Variants in SLIT1 observed in about 807,000 individuals in gnomAD.
The protein encoded by SLIT1 is slit homolog 1 protein.
SLIT1 carries 66 observed loss-of-function variants against 186.1 expected under a neutral mutation model. That is an observed-to-expected ratio of 0.35 (90% CI 0.29 to 0.44). The LOEUF is 0.44. Ranked by LOEUF, SLIT1 falls within the 20% of genes least tolerant of loss-of-function variation. The probability of loss-of-function intolerance (pLI) is 1.00; values close to 1 mark genes in which losing one functional copy is unlikely to be tolerated. For missense variants in SLIT1, 1,638 were observed against 2,037.4 expected (o/e 0.80, Z 3.77); for synonymous variants, 761 against 833.8 (o/e 0.91, Z 1.50).
At chr10:97,070,465 C>G (rs1375568235) in intron 4 of SLIT1, among the ~76,000 whole-genome samples, 1 of 152,196 alleles carries the variant, frequency 6.6e-6, no homozygotes, top group Non-Finnish European at 1.5e-5. Context: ...AGTGCAGACC[C>G]AACCACATGC....
At chr10:97,144,308 G>C (rs12246049) in intron 4 of SLIT1, among the ~76,000 whole-genome samples, 3,135 of 152,234 alleles carry the variant, frequency 0.021, 105 homozygotes, top group African/African-American at 0.07. Flanking sequence ...CTCTGTTATA[G>C]ATCAAGAATT....
At chr10:97,054,619 A>C (rs1186588029) in intron 13 of SLIT1, among the ~76,000 whole-genome samples, 1 of 152,232 alleles carries the variant, frequency 6.6e-6, no homozygotes, top group Non-Finnish European at 1.5e-5. Context: ...CATCTATAAA[A>C]TCATCTTGCC....
chr10:97,110,692 A>G (rs1178100040), intron 4 of SLIT1, among the ~76,000 whole-genome samples: 1 of 152,220 alleles, frequency 6.6e-6, no homozygotes. Flanking sequence ...TTATAAACAC[A>G]GAAGTCAGTA....
chr10:97,119,627 G>A (rs1441629539), intron 4 of SLIT1, among the ~76,000 whole-genome samples: 1 of 151,706 alleles, frequency 6.6e-6, no homozygotes, highest in East Asian at 1.9e-4. Flanking sequence ...CGGCGCCTTG[G>A]GTTCACCCAT....
At chr10:97,147,663 G>A (rs1423360221) in intron 4 of SLIT1, among the ~76,000 whole-genome samples, 3 of 151,970 alleles carry the variant, frequency 2.0e-5, no homozygotes, top group Non-Finnish European at 2.9e-5. Flanking sequence ...TGTGGGGGGC[G>A]ACTGAGGCTC....
At chr10:97,018,234 C>T (rs1250488905) in intron 28 of SLIT1, among the ~76,000 whole-genome samples, 1 of 152,162 alleles carries the variant, frequency 6.6e-6, no homozygotes, top group African/African-American at 2.4e-5. Context: ...ATCCGAGTGC[C>T]TTCAAAAAGG....
At chr10:97,039,926 A>G in intron 21 of SLIT1, 62 bp downstream of exon 21, 1 of 1,579,770 alleles carries the variant, frequency 6.3e-7, no homozygotes, top group Non-Finnish European at 8.6e-7. Flanking sequence ...CCCTCAGGAA[A>G]TGCCCCCACT....
intron 4 of SLIT1, among the ~76,000 whole-genome samples, chr10:97,128,005 C>A (rs993276108): frequency 6.6e-6 from 1 of 152,216 alleles, no homozygotes; most frequent in African/African-American, 2.4e-5. Flanking sequence ...AGCTCCCACA[C>A]TGGCCTCCAA....
rs557639659 is a variant in SLIT1, at chr10:97,185,899, C to G, written c.-225G>C. The G allele has an allele frequency of 2.0e-6, 1 of 492,748 alleles. No homozygotes were observed. The highest frequency in any genetic ancestry group is 3.6e-5 in the East Asian group (1 of 27,732). 30.5% of individuals were successfully genotyped at this position (492,748 alleles called of 1,614,324 possible). On this transcript the variant is annotated 5_prime_UTR_variant, in exon 1 of 37. Transcript: ENST00000266058. ...GGCGGAGGGGGCTCGGCTCCTCTGC[C>G]GTTTCGCCGCCTGCGTCTCCCTCTC... is the stretch of plus-strand genomic sequence containing the variant.
At chr10:97,013,987 T>TC (rs772117232) in intron 29 of SLIT1, 32 bp downstream of exon 29, 1 of 1,607,570 alleles carries the variant, frequency 6.2e-7, no homozygotes, top group South Asian at 1.1e-5. Context: ...GTTCCCCACC[T>TC]CCCCCAGACA....
At chr10:97,145,547 T>A (rs1849808729) in intron 4 of SLIT1, among the ~76,000 whole-genome samples, 1 of 152,142 alleles carries the variant, frequency 6.6e-6, no homozygotes, top group Non-Finnish European at 1.5e-5. Context: ...TGTAGTCCAC[T>A]CTCGTATGCA....
chr10:97,147,629 T>C (rs780774523), intron 4 of SLIT1, among the ~76,000 whole-genome samples: 3 of 139,564 alleles, frequency 2.1e-5, no homozygotes, highest in Non-Finnish European at 4.6e-5. Context: ...TTCAGAGAGC[T>C]GGGAGGGGGG....
intron 1 of SLIT1, among the ~76,000 whole-genome samples, chr10:97,166,644 G>GAAAA (rs1491510523): frequency 8.8e-4 from 35 of 39,740 alleles, no homozygotes; most frequent in South Asian, 5.7e-3. Context: ...AGAAAAGAAA[G>GAAAA]GAAAGGAAAA....
Position 97,068,280 on chromosome 10 carries a change from C to G in SLIT1, c.414-2194G>C, listed in dbSNP as rs983650132. Reference sequence around the variant, plus strand: ...CTGGGGTTCGAGGCCTGGCCCTCCCCCTCCTGGCCATACATCTGCAAGGCA... The same window carrying G: ...CTGGGGTTCGAGGCCTGGCCCTCCCGCTCCTGGCCATACATCTGCAAGGCA... On this transcript the variant is annotated intron_variant, in intron 4 of 36. Transcript: ENST00000266058. This position sits in a 1 kb window ranked among gnomAD's most constrained non-coding sequence, Gnocchi z 4.2. Among the ~76,000 whole-genome samples, 1 of 152,126 alleles carries G rather than the reference C, an allele frequency of 6.6e-6. No homozygotes were observed. Among genetic ancestry groups the G allele is most frequent in the Non-Finnish European group, 1.5e-5 (1 of 67,998 alleles).
At chr10:97,084,055 G>A (rs897219775) in intron 4 of SLIT1, among the ~76,000 whole-genome samples, 4 of 152,150 alleles carry the variant, frequency 2.6e-5, no homozygotes, top group Admixed American at 2.0e-4. Context: ...TGCAAAACCT[G>A]AACATAGAGG....
intron 21 of SLIT1, among the ~76,000 whole-genome samples, chr10:97,039,295 T>C (rs1253263687): frequency 6.6e-6 from 1 of 152,182 alleles, no homozygotes. Flanking sequence ...CAGCTCTCCA[T>C]TCCTGTTTGT....
At chr10:97,159,411 C>T (rs1337224004) in intron 3 of SLIT1, among the ~76,000 whole-genome samples, 1 of 152,180 alleles carries the variant, frequency 6.6e-6, no homozygotes, top group Non-Finnish European at 1.5e-5. Flanking sequence ...ATCCTTAAAG[C>T]AACAGGAGTA....
At chr10:97,014,887 A>C (rs1848441718) in intron 28 of SLIT1, among the ~76,000 whole-genome samples, 1 of 149,788 alleles carries the variant, frequency 6.7e-6, no homozygotes, top group South Asian at 2.1e-4. Context: ...AAAAGCCTAG[A>C]GTGGAAGGGA....
In SLIT1 at chr10:97,069,581, G is replaced by A. The variant is rs1848983888; in HGVS notation, c.414-3495C>T. Among the ~76,000 whole-genome samples the A allele has an allele frequency of 3.3e-5, 5 of 152,360 alleles. No individual in the cohort carries two copies. The South Asian group carries it at 1.0e-3, about 32-fold the overall frequency. On this transcript the variant is annotated intron_variant, in intron 4 of 36. Transcript: ENST00000266058. Reference sequence around the variant, plus strand: ...AGTGAGTGAACAAGTCCGCTGGAGGGAGGAGAGGTGATCTCTGACCGGATC... The same window carrying A: ...AGTGAGTGAACAAGTCCGCTGGAGGAAGGAGAGGTGATCTCTGACCGGATC...
Sources: gnomAD v4.1 joint callset for allele counts (sites outside exome capture counted in the v4.1 genomes callset) on GRCh38, gnomAD v4.1.1 for gene constraint, Gnocchi (gnomAD v3.1) non-coding constraint, MANE v1.5 for transcripts, NCBI Gene and HGNC (gene_info 2026-07-23, HGNC 2026-07-21) for gene names.